DENND1B: variants seen among roughly 807,000 people sequenced by gnomAD.
DENND1B encodes the protein DENN domain-containing protein 1B.
DENND1B carries 59 observed loss-of-function variants against 90.1 expected under a neutral mutation model. The observed-to-expected ratio is 0.65, with a 90% CI of 0.53 to 0.81. The LOEUF (loss-of-function observed/expected upper bound fraction) is 0.81. Ranked by LOEUF, DENND1B falls within the 40% of genes least tolerant of loss-of-function variation. The pLI is 0.00. For missense variants in DENND1B, 862 were observed against 912.6 expected, an observed-to-expected ratio of 0.94 and a Z score of 0.71; for synonymous variants, 337 against 324.6, an observed-to-expected ratio of 1.04 and a Z score of -0.41.
At chr1:197,665,347 T>C (rs530670157) in intron 5 of DENND1B, among the ~76,000 whole-genome samples, 1 of 152,308 alleles carries the variant, frequency 6.6e-6, no homozygotes, top group South Asian at 2.1e-4. Flanking sequence ...AGTCCTATAA[T>C]AGCATCATCC....
upstream of DENND1B, among the ~76,000 whole-genome samples, chr1:197,776,947 A>T (rs1352610003): frequency 6.6e-6 from 1 of 152,214 alleles, no homozygotes; most frequent in African/African-American, 2.4e-5. Flanking sequence ...GAGCAGTGTG[A>T]TGTTCAAGTA....
intron 10 of DENND1B, among the ~76,000 whole-genome samples, chr1:197,634,973 G>A (rs948930907): frequency 2.7e-5 from 4 of 146,170 alleles, no homozygotes; most frequent in Admixed American, 6.9e-5. Context: ...ACACCTTGGC[G>A]ACAAGAGTGC....
At chr1:197,514,576 G>A (rs747436047) in intron 20 of DENND1B, among the ~76,000 whole-genome samples, 4 of 151,688 alleles carry the variant, frequency 2.6e-5, no homozygotes, top group Non-Finnish European at 4.4e-5. Context: ...ATAATTTAAT[G>A]GTGGAGAAAG....
chr1:197,779,372 A>T (rs1024226427), upstream of DENND1B, among the ~76,000 whole-genome samples: 2 of 152,016 alleles, frequency 1.3e-5, no homozygotes, highest in Admixed American at 1.3e-4. Flanking sequence ...CTATAGTTTC[A>T]CTGTGAAGTA....
At position 197,546,299 on chromosome 1, in the gene DENND1B, TAAGA is replaced by T. The variant is rs2125671511; in HGVS notation, c.1282-313_1282-310del. Among the ~76,000 whole-genome samples the T allele has an allele frequency of 2.0e-5, 3 of 152,296 alleles. No individual in the cohort carries two copies. The South Asian group carries it at 6.2e-4, about 32-fold the overall frequency. ...TAATTTGAATATATTTAAAGCTTAATAAGAAAGAAATACAAGTTTATCAGCTGTT... is the reference window on the plus strand; with the variant it reads ...TAATTTGAATATATTTAAAGCTTAATAAGAAATACAAGTTTATCAGCTGTT... On this transcript the variant is annotated intron_variant, in intron 17 of 22. Transcript: ENST00000620048.
chr1:197,534,694 G>C (rs1288968926), intron 20 of DENND1B, among the ~76,000 whole-genome samples: 4 of 152,194 alleles, frequency 2.6e-5, no homozygotes, highest in African/African-American at 7.2e-5. Flanking sequence ...TTCTTTGTAA[G>C]ATATTAAAGT....
At chr1:197,580,093 T>C (rs1239329535) in intron 15 of DENND1B, among the ~76,000 whole-genome samples, 2 of 130,712 alleles carry the variant, frequency 1.5e-5, no homozygotes, top group African/African-American at 5.7e-5. Flanking sequence ...CTTTCTTTTT[T>C]TTTTTTTTTT....
intron 14 of DENND1B, among the ~76,000 whole-genome samples, chr1:197,585,418 T>C (rs1488574397): frequency 6.6e-6 from 1 of 152,212 alleles, no homozygotes; most frequent in East Asian, 1.9e-4. Flanking sequence ...CATGTAAAGA[T>C]GTATTTCAAG....
At chr1:197,586,796 G>A (rs984020030) in intron 14 of DENND1B, among the ~76,000 whole-genome samples, 1 of 152,188 alleles carries the variant, frequency 6.6e-6, no homozygotes, top group African/African-American at 2.4e-5. Flanking sequence ...GTCTCAACTG[G>A]AGACAAGCTT....
upstream of DENND1B, among the ~76,000 whole-genome samples, chr1:197,778,216 T>C (rs1657346657): frequency 6.6e-6 from 1 of 152,218 alleles, no homozygotes; most frequent in Non-Finnish European, 1.5e-5. Flanking sequence ...TTCTGAATAG[T>C]ATTTGTCTGA....
At chr1:197,724,441 T>C (rs955205907) in intron 2 of DENND1B, among the ~76,000 whole-genome samples, 1 of 152,142 alleles carries the variant, frequency 6.6e-6, no homozygotes, top group Non-Finnish European at 1.5e-5. Context: ...ATAACTCTTA[T>C]TTATCTTTGT....
chr1:197,526,035 G>T (rs186061209), intron 20 of DENND1B, among the ~76,000 whole-genome samples: 1 of 152,158 alleles, frequency 6.6e-6, no homozygotes, highest in African/African-American at 2.4e-5. Context: ...GCCAACTTAA[G>T]ATATTTATGT....
intron 2 of DENND1B, among the ~76,000 whole-genome samples, chr1:197,741,636 A>T (rs780453543): frequency 6.6e-6 from 1 of 152,224 alleles, no homozygotes; most frequent in Non-Finnish European, 1.5e-5. Flanking sequence ...TTCTAAAAGT[A>T]GTTTCAAATA....
chr1:197,676,689 G>C (rs116922307), intron 3 of DENND1B, among the ~76,000 whole-genome samples: 1 of 152,178 alleles, frequency 6.6e-6, no homozygotes, highest in East Asian at 1.9e-4. Flanking sequence ...GGATGGAATA[G>C]AATACAAAAT....
At chr1:197,767,897 G>A (rs1158076908) in intron 2 of DENND1B, among the ~76,000 whole-genome samples, 6 of 152,236 alleles carry the variant, frequency 3.9e-5, no homozygotes, top group East Asian at 1.9e-4. Flanking sequence ...ACCTATACAC[G>A]TGAAGTCACT....
intron 20 of DENND1B, among the ~76,000 whole-genome samples, chr1:197,527,254 A>G (rs1669201211): frequency 6.6e-6 from 1 of 152,002 alleles, no homozygotes; most frequent in African/African-American, 2.4e-5. Context: ...CGTGTGTTAA[A>G]AGAAGAACAT....
intron 7 of DENND1B, among the ~76,000 whole-genome samples, chr1:197,647,379 T>G (rs759487435): frequency 5.9e-5 from 9 of 151,384 alleles, no homozygotes; most frequent in Non-Finnish European, 7.3e-5. Context: ...AAAAGCATTC[T>G]CATTAGACAT....
At chr1:197,517,528 T>C (rs1668482599) in intron 20 of DENND1B, among the ~76,000 whole-genome samples, 1 of 151,896 alleles carries the variant, frequency 6.6e-6, no homozygotes, top group African/African-American at 2.4e-5. Flanking sequence ...TCTTTGTCTA[T>C]ACACATCGAT....
chr1:197,719,903 T>C (rs1215493320), intron 2 of DENND1B, among the ~76,000 whole-genome samples: 1 of 152,204 alleles, frequency 6.6e-6, no homozygotes, highest in Non-Finnish European at 1.5e-5. Flanking sequence ...CTGAAGACTG[T>C]AGGATTCAGA....
Sources: gnomAD v4.1 joint callset for allele counts (sites outside exome capture counted in the v4.1 genomes callset) on GRCh38, gnomAD v4.1.1 for gene constraint, MANE v1.5 for transcripts, NCBI Gene and HGNC (gene_info 2026-07-23, HGNC 2026-07-21) for gene names.